The following PSAT1 variants were observed in gnomAD, a reference collection of about 807,000 sequenced individuals.
The protein encoded by PSAT1 is phosphoserine aminotransferase 1.
PSAT1 carries 41 observed loss-of-function variants against 40.3 expected under a neutral mutation model. The ratio of observed to expected loss-of-function variants is 1.02; its 90% CI spans 0.79 to 1.32. The LOEUF is 1.32. Ranked by LOEUF, PSAT1 falls within the 40% of genes most tolerant of loss-of-function variation. The probability of loss-of-function intolerance (pLI) is 0.00; values close to 1 mark genes in which losing one functional copy is unlikely to be tolerated. For missense variants in PSAT1, 406 were observed against 455.8 expected, an observed-to-expected ratio of 0.89 and a Z score of 0.99; for synonymous variants, 147 against 170.5, an observed-to-expected ratio of 0.86 and a Z score of 1.07.
rs1828548344 is a variant in PSAT1 at position 78,329,340 on chromosome 9, A to G, written c.*254A>G. The G allele has an allele frequency of 2.1e-6, 1 of 478,938 alleles. No homozygotes were observed. Among genetic ancestry groups the G allele is most frequent in the Non-Finnish European group, 3.8e-6 (1 of 262,836 alleles). The allele number at this position is 478,938 out of a possible 1,614,324, so 29.7% of individuals were successfully genotyped here. The stretch of plus-strand genomic sequence containing the variant: ...TTGCTTTTCTAACAAATTCCCGCGT[A>G]TTTTGCCTTTGCTGCTACTTTTTCT... On this transcript the variant is annotated 3_prime_UTR_variant, in exon 9 of 9. Coordinates refer to ENST00000376588, the MANE Select transcript of PSAT1 (RefSeq NM_058179.4).
intron 6 of PSAT1, among the ~76,000 whole-genome samples, chr9:78,316,971 G>A (rs1413802312): frequency 7.3e-6 from 1 of 137,722 alleles, no homozygotes; most frequent in Non-Finnish European, 1.7e-5. Flanking sequence ...TATGGGCAAG[G>A]CGCTCTGGGA....
chr9:78,302,366 G>T (rs1564012644), intron 3 of PSAT1, among the ~76,000 whole-genome samples: 1 of 152,146 alleles, frequency 6.6e-6, no homozygotes, highest in Admixed American at 6.5e-5. Flanking sequence ...CTATAAACTA[G>T]TTCAGGTGTT....
intron 7 of PSAT1, among the ~76,000 whole-genome samples, chr9:78,323,764 T>C (rs1000967359): frequency 1.8e-4 from 28 of 152,220 alleles, no homozygotes; most frequent in African/African-American, 6.5e-4. Flanking sequence ...CAGATCTTCA[T>C]ATTTTTATTC....
intron 6 of PSAT1, among the ~76,000 whole-genome samples, chr9:78,310,068 T>G (rs1177478876): frequency 1.3e-5 from 2 of 152,244 alleles, no homozygotes; most frequent in African/African-American, 2.4e-5. Context: ...TTATTGTTAT[T>G]GTGAGTTCTC....
chr9:78,317,478 T>G (rs1474060582), intron 6 of PSAT1, among the ~76,000 whole-genome samples, 198 bp from the exon 7 acceptor site: 1 of 152,246 alleles, frequency 6.6e-6, no homozygotes, highest in African/African-American at 2.4e-5. Flanking sequence ...TTCCAACTCC[T>G]GGCTTCAAGC....
At chr9:78,328,796 A>C (rs1490073664) in intron 8 of PSAT1, among the ~76,000 whole-genome samples, 185 bp from the exon 9 acceptor site, 1 of 152,168 alleles carries the variant, frequency 6.6e-6, no homozygotes, top group African/African-American at 2.4e-5. Context: ...TCACAGCTTA[A>C]GGGAGAATTT....
At chr9:78,305,841 C>T (rs944514) in intron 4 of PSAT1, among the ~76,000 whole-genome samples, 117,131 of 152,124 alleles carry the variant, frequency 0.77, 45,210 homozygotes, top group Middle Eastern at 0.81. Context: ...GGATACTGGG[C>T]GACAAGTAAA....
intron 8 of PSAT1, 114 bp from the exon 9 acceptor site, chr9:78,328,867 C>A (rs1050622823): frequency 6.1e-6 from 5 of 823,770 alleles, no homozygotes; most frequent in Non-Finnish European, 8.3e-6. Context: ...GGTAGGAGAC[C>A]GGAAATGATG....
chr9:78,300,631 A>T lies in PSAT1; in HGVS notation c.90A>T (p.Leu30Phe). ...SVLLEIQKEL[L>F]DYKGVGISVL... ...TGTTAGAGATACAAAAGGAATTATT[A>T]GACTACAAAGGAGTTGGCATTAGTG... The change falls in exon 2 of 9, where the codon TTA becomes TTT. Residue 30 changes from leucine to phenylalanine, a missense_variant. By Grantham distance (22) the Leu-to-Phe change is conservative. Coordinates refer to ENST00000376588, the MANE Select transcript of PSAT1 (RefSeq NM_058179.4). 1 of 1,606,160 alleles carries T rather than the reference A, an allele frequency of 6.2e-7. No individual in the cohort carries two copies. The highest frequency in any genetic ancestry group is 8.5e-7 in the Non-Finnish European group (1 of 1,175,924).
chr9:78,306,087 T>A (rs1297392011), intron 4 of PSAT1, among the ~76,000 whole-genome samples: 1 of 152,176 alleles, frequency 6.6e-6, no homozygotes. Flanking sequence ...TGAAGATGAT[T>A]TGTTCCCAGT....
intron 1 of PSAT1, chr9:78,298,312 G>A: frequency 4.1e-6 from 4 of 985,368 alleles, no homozygotes; most frequent in Non-Finnish European, 4.8e-6. Flanking sequence ...TGTTGGAGCA[G>A]CATGAGGCAT....
At chr9:78,315,853 C>T (rs1016812515) in intron 6 of PSAT1, among the ~76,000 whole-genome samples, 1 of 152,236 alleles carries the variant, frequency 6.6e-6, no homozygotes, top group Non-Finnish European at 1.5e-5. Context: ...ATAATGTCCC[C>T]TCCTGTTAAT....
chr9:78,309,674 G>T (rs1260210857), intron 6 of PSAT1, among the ~76,000 whole-genome samples: 2 of 152,124 alleles, frequency 1.3e-5, no homozygotes, highest in East Asian at 3.9e-4. Context: ...ACATCTTTCT[G>T]TATTTTAGCC....
chr9:78,326,550 A>G (rs1006550930), intron 7 of PSAT1, among the ~76,000 whole-genome samples: 7 of 152,224 alleles, frequency 4.6e-5, no homozygotes, highest in African/African-American at 1.7e-4. Flanking sequence ...TACACCTACT[A>G]TGTACCCAGA....
chr9:78,305,658 G>A (rs954278895), intron 4 of PSAT1, among the ~76,000 whole-genome samples: 3 of 152,182 alleles, frequency 2.0e-5, no homozygotes, highest in Non-Finnish European at 2.9e-5. Context: ...TCCCAGTAAC[G>A]GTCTCATGTC....
At chr9:78,320,922 G>A (rs1828420572) in intron 7 of PSAT1, among the ~76,000 whole-genome samples, 1 of 152,142 alleles carries the variant, frequency 6.6e-6, no homozygotes, top group Non-Finnish European at 1.5e-5. Context: ...TTAGAGGACA[G>A]AAAGAACGGT....
chr9:78,327,868 T>A (rs925637880), intron 7 of PSAT1, among the ~76,000 whole-genome samples, 183 bp from the exon 8 acceptor site: 4 of 152,164 alleles, frequency 2.6e-5, no homozygotes, highest in Non-Finnish European at 5.9e-5. Flanking sequence ...CACTGTTCCA[T>A]ATGCAAGAGT....
At chr9:78,321,231 C>G (rs1194843916) in intron 7 of PSAT1, among the ~76,000 whole-genome samples, 2 of 152,136 alleles carry the variant, frequency 1.3e-5, no homozygotes, top group African/African-American at 4.8e-5. Flanking sequence ...TCTAGGAACT[C>G]CCACCACCCC....
At chr9:78,299,032 C>T (rs1007103548) in intron 1 of PSAT1, among the ~76,000 whole-genome samples, 1 of 149,888 alleles carries the variant, frequency 6.7e-6, no homozygotes, top group African/African-American at 2.5e-5. Flanking sequence ...CCAAGCAACT[C>T]AGGAGGCTAA....
Sources: gnomAD v4.1 joint callset for allele counts (sites outside exome capture counted in the v4.1 genomes callset) on GRCh38, gnomAD v4.1.1 for gene constraint, MANE v1.5 for transcripts, NCBI Gene and HGNC (gene_info 2026-07-23, HGNC 2026-07-21) for gene names.